The following FAM78B variants were observed in gnomAD, a reference collection of about 807,000 sequenced individuals.
FAM78B encodes the protein protein FAM78B.
In FAM78B, 10 loss-of-function variants were observed where a neutral mutation model predicts 20.0. That is an observed-to-expected ratio of 0.50 (90% CI 0.31 to 0.85). The LOEUF (loss-of-function observed/expected upper bound fraction) is 0.85. Ranked by LOEUF, FAM78B falls within the 40% of genes least tolerant of loss-of-function variation. The pLI, the probability that FAM78B is intolerant of heterozygous loss-of-function variation, is 0.05. For missense variants in FAM78B, 283 were observed against 345.0 expected, an observed-to-expected ratio of 0.82 and a Z score of 1.42; for synonymous variants, 135 against 132.8, an observed-to-expected ratio of 1.02 and a Z score of -0.12.
intron 1 of FAM78B, among the ~76,000 whole-genome samples, chr1:166,133,340 G>A (rs1224809201): frequency 2.0e-5 from 3 of 152,154 alleles, no homozygotes; most frequent in Non-Finnish European, 4.4e-5. Context: ...GAGGATACCT[G>A]TTATTGTGTA....
intron 1 of FAM78B, among the ~76,000 whole-genome samples, chr1:166,109,840 G>GTATATATATATATATATATATATATATA (rs1300124049): frequency 3.9e-5 from 1 of 25,906 alleles, no homozygotes; most frequent in Non-Finnish European, 8.4e-5. Flanking sequence ...ATGTATATAT[G>GTATATATATATATATATATATATATATA]TATATATATA....
intron 1 of FAM78B, among the ~76,000 whole-genome samples, chr1:166,130,782 C>T (rs1422707065): frequency 1.3e-5 from 2 of 152,100 alleles, no homozygotes; most frequent in Non-Finnish European, 2.9e-5. Flanking sequence ...GAGATACAGG[C>T]CTAAGCCCCG....
chr1:166,151,963 A>T (rs1427789871), intron 1 of FAM78B, among the ~76,000 whole-genome samples: 1 of 152,220 alleles, frequency 6.6e-6, no homozygotes, highest in Non-Finnish European at 1.5e-5. Flanking sequence ...ATTATACAAC[A>T]GTCCCATCTC....
intron 1 of FAM78B, among the ~76,000 whole-genome samples, chr1:166,141,168 T>C (rs1266027832): frequency 2.6e-5 from 4 of 152,228 alleles, no homozygotes; most frequent in Non-Finnish European, 5.9e-5. Context: ...AAGTGCGTAC[T>C]GGGGCAAGGT....
intron 1 of FAM78B, among the ~76,000 whole-genome samples, chr1:166,133,348 G>A (rs1654945804): frequency 6.6e-6 from 1 of 152,134 alleles, no homozygotes; most frequent in African/African-American, 2.4e-5. Flanking sequence ...CTGTTATTGT[G>A]TAACTTTAGG....
At chr1:166,084,424 G>A (rs1266212933) in intron 1 of FAM78B, among the ~76,000 whole-genome samples, 1 of 152,184 alleles carries the variant, frequency 6.6e-6, no homozygotes, top group African/African-American at 2.4e-5. Flanking sequence ...AAAACAGAGA[G>A]TAGAATAAAC....
chr1:166,137,017 G>A (rs567613576), intron 1 of FAM78B, among the ~76,000 whole-genome samples: 19 of 152,312 alleles, frequency 1.2e-4, no homozygotes, highest in African/African-American at 4.6e-4. Flanking sequence ...GAAGGGGCCT[G>A]AACCTAGATC....
intron 1 of FAM78B, among the ~76,000 whole-genome samples, chr1:166,152,037 C>CA (rs1363749163): frequency 6.6e-6 from 1 of 152,196 alleles, no homozygotes; most frequent in African/African-American, 2.4e-5. Flanking sequence ...GAGTCTCTGT[C>CA]AGATACAGGT....
At chr1:166,155,365 C>T (rs891627954) in intron 1 of FAM78B, among the ~76,000 whole-genome samples, 8 of 152,126 alleles carry the variant, frequency 5.3e-5, no homozygotes, top group African/African-American at 7.2e-5. Flanking sequence ...GTTATCCGAC[C>T]GCTGTAGGCC....
chr1:166,084,237 A>ACTCTCTCTCTCTCTCT (rs372134890), intron 1 of FAM78B, among the ~76,000 whole-genome samples: 1 of 125,416 alleles, frequency 8.0e-6, no homozygotes, highest in Non-Finnish European at 1.7e-5. Flanking sequence ...ACACACACAC[A>ACTCTCTCTCTCTCTCT]CTCTCTCTCT....
intron 1 of FAM78B, among the ~76,000 whole-genome samples, chr1:166,083,170 G>A (rs934975714): frequency 2.0e-5 from 3 of 152,150 alleles, no homozygotes; most frequent in African/African-American, 7.2e-5. Context: ...ACATTATTGG[G>A]TGGATACACC....
At chr1:166,119,351 A>T (rs1654380166) in intron 1 of FAM78B, among the ~76,000 whole-genome samples, 1 of 152,208 alleles carries the variant, frequency 6.6e-6, no homozygotes, top group Non-Finnish European at 1.5e-5. Context: ...AAAACATATG[A>T]GTACCTGATA....
At chr1:166,160,231 C>T (rs1421092578) in intron 1 of FAM78B, among the ~76,000 whole-genome samples, 1 of 152,216 alleles carries the variant, frequency 6.6e-6, no homozygotes, top group Non-Finnish European at 1.5e-5. Flanking sequence ...GGGCATGTAG[C>T]AGCATGTAAC....
chr1:166,079,508 T>G (rs963181426), intron 1 of FAM78B, among the ~76,000 whole-genome samples: 1 of 152,182 alleles, frequency 6.6e-6, no homozygotes, highest in Non-Finnish European at 1.5e-5. Context: ...GTTGGGGGTG[T>G]GCATGGAGTT....
rs544754380 is a variant in FAM78B, at chr1:166,093,885, A to C, written c.264-23122T>G. Among the ~76,000 whole-genome samples the C allele has an allele frequency of 2.4e-4, 36 of 152,110 alleles. 2 individuals are homozygous for C. The South Asian group carries it at 7.5e-3, about 32-fold the overall frequency. On this transcript the variant is annotated intron_variant, in intron 1 of 1. Coordinates refer to ENST00000354422, the MANE Select transcript of FAM78B (RefSeq NM_001017961.5). ...TCCTGATTGGCTAGGATGATACAGAATAGGGCTGCTGCAGAGGGACTTGCA... is the reference window on the plus strand; with the variant it reads ...TCCTGATTGGCTAGGATGATACAGACTAGGGCTGCTGCAGAGGGACTTGCA...
intron 1 of FAM78B, among the ~76,000 whole-genome samples, chr1:166,124,229 T>C (rs370887251): frequency 3.3e-5 from 5 of 152,342 alleles, no homozygotes; most frequent in African/African-American, 1.2e-4. Flanking sequence ...GGTAATGCAG[T>C]CATCCTTCCA....
At position 166,097,360 on chromosome 1, in the gene FAM78B, C is replaced by A. The variant is rs140168241; in HGVS notation, c.264-26597G>T. 1.9e-3 allele frequency among the ~76,000 whole-genome samples: 290 copies of A among 152,292 alleles called. 1 individual carries two copies. Among genetic ancestry groups the A allele is most frequent in the African/African-American group, 6.6e-3 (274 of 41,564 alleles). On this transcript the variant is annotated intron_variant, in intron 1 of 1. Coordinates refer to ENST00000354422, the MANE Select transcript of FAM78B (RefSeq NM_001017961.5). ...TTGAATAGGGCGAGAAGCCTCCTGG[C>A]CAGAACTCAGGGGAGGGTGCAAATC... is the stretch of plus-strand genomic sequence containing the variant.
downstream of FAM78B, among the ~76,000 whole-genome samples, chr1:166,065,847 G>A (rs1651774251): frequency 6.6e-6 from 1 of 152,230 alleles, no homozygotes; most frequent in Non-Finnish European, 1.5e-5. Flanking sequence ...GGATCATTTA[G>A]GCTTAATTAT....
chr1:166,061,624 T>C (rs1651602550), intron 2 of FAM78B, among the ~76,000 whole-genome samples: 2 of 152,162 alleles, frequency 1.3e-5, no homozygotes, highest in Admixed American at 6.6e-5. Context: ...ACATATATAA[T>C]TGGGGACGTA....
Sources: gnomAD v4.1 joint callset for allele counts (sites outside exome capture counted in the v4.1 genomes callset) on GRCh38, gnomAD v4.1.1 for gene constraint, MANE v1.5 for transcripts, NCBI Gene and HGNC (gene_info 2026-07-23, HGNC 2026-07-21) for gene names.